The following HCN1 variants were observed in gnomAD, a reference collection of about 807,000 sequenced individuals.
HCN1 encodes potassium/sodium hyperpolarization-activated cyclic nucleotide-gated channel 1.
Under a neutral mutation model 78.9 loss-of-function variants are expected in HCN1, and 13 were observed. The observed-to-expected ratio is 0.16, with a 90% CI of 0.11 to 0.26. The LOEUF is 0.26. Among genes scored for constraint, HCN1 ranks in the 10% least tolerant of loss-of-function variants. HCN1 has a pLI of 1.00. For synonymous variants in HCN1, 552 were observed against 455.5 expected (o/e 1.21, Z -2.70); for missense variants, 810 against 1,154.3 (o/e 0.70, Z 4.32).
intron 4 of HCN1, among the ~76,000 whole-genome samples, chr5:45,375,834 CTTATATATAATATAATATTTT>C (rs1747629859): frequency 8.9e-6 from 1 of 112,904 alleles, no homozygotes. Context: ...TATGATATAT[CTTATATATAATATAATATTTT>C]ATGATATATC....
At chr5:45,476,664 G>T (rs1741522878) in intron 2 of HCN1, among the ~76,000 whole-genome samples, 1 of 151,982 alleles carries the variant, frequency 6.6e-6, no homozygotes, top group African/African-American at 2.4e-5. Context: ...CATTTATCAT[G>T]CTGGGGCATA....
At chr5:45,421,481 A>G (rs1740227298) in intron 3 of HCN1, among the ~76,000 whole-genome samples, 1 of 152,254 alleles carries the variant, frequency 6.6e-6, no homozygotes, top group Non-Finnish European at 1.5e-5. Context: ...TAATATGTCA[A>G]CAAAATAATG....
intron 1 of HCN1, 61 bp downstream of exon 1, chr5:45,695,608 G>A (rs1429787900): frequency 8.4e-6 from 13 of 1,543,208 alleles, no homozygotes; most frequent in Non-Finnish European, 1.2e-5. Flanking sequence ...ACCCAAGGGC[G>A]GGGAAGCGCG....
intron 1 of HCN1, among the ~76,000 whole-genome samples, chr5:45,648,013 C>T (rs1422698817): frequency 6.6e-6 from 1 of 152,018 alleles, no homozygotes; most frequent in African/African-American, 2.4e-5. Context: ...CATTTTCTAA[C>T]CTGTTCAAAG....
At chr5:45,474,809 C>T (rs7706410) in intron 2 of HCN1, among the ~76,000 whole-genome samples, 151,704 of 152,050 alleles carry the variant, frequency 1, 75,679 homozygotes, top group East Asian at 1. Flanking sequence ...AAGGATCATA[C>T]CTTAATGTCT....
chr5:45,504,968 T>G (rs2111742799), intron 2 of HCN1, among the ~76,000 whole-genome samples: 1 of 152,304 alleles, frequency 6.6e-6, no homozygotes, highest in African/African-American at 2.4e-5. Flanking sequence ...TCTTGTAAAT[T>G]TGTTTGAGTT....
At chr5:45,446,127 T>C (rs1482556016) in intron 3 of HCN1, among the ~76,000 whole-genome samples, 5 of 151,718 alleles carry the variant, frequency 3.3e-5, no homozygotes, top group Non-Finnish European at 5.9e-5. Context: ...GGCAAAGAAG[T>C]TGAAAACTTT....
At chr5:45,583,015 G>T (rs1227886609) in intron 2 of HCN1, among the ~76,000 whole-genome samples, 1 of 151,782 alleles carries the variant, frequency 6.6e-6, no homozygotes, top group Non-Finnish European at 1.5e-5. Context: ...GCCAGGGTTT[G>T]GTATCAGGAT....
At chr5:45,658,894 C>T (rs552995293) in intron 1 of HCN1, among the ~76,000 whole-genome samples, 1 of 147,848 alleles carries the variant, frequency 6.8e-6, no homozygotes, top group South Asian at 2.2e-4. Flanking sequence ...CCCGCCATTG[C>T]CCAGGCTTGC....
chr5:45,692,966 A>G (rs1225142770), intron 1 of HCN1, among the ~76,000 whole-genome samples: 2 of 152,030 alleles, frequency 1.3e-5, no homozygotes, highest in Non-Finnish European at 2.9e-5. Flanking sequence ...CATAGAAATT[A>G]CTCTTAAGTG....
At chr5:45,503,040 A>G (rs1356982012) in intron 2 of HCN1, among the ~76,000 whole-genome samples, 3 of 152,242 alleles carry the variant, frequency 2.0e-5, no homozygotes, top group Non-Finnish European at 4.4e-5. Flanking sequence ...GGGAAGACTC[A>G]TGCATTTATC....
chr5:45,278,260 G>T (rs763669550), intron 6 of HCN1, among the ~76,000 whole-genome samples: 1 of 152,000 alleles, frequency 6.6e-6, no homozygotes, highest in Non-Finnish European at 1.5e-5. Context: ...TTCAAGTTCA[G>T]TATGTGAGTA....
At chr5:45,467,683 T>C (rs982548896) in intron 2 of HCN1, among the ~76,000 whole-genome samples, 1 of 152,100 alleles carries the variant, frequency 6.6e-6, no homozygotes, top group Admixed American at 6.6e-5. Flanking sequence ...ATTCTCTCTT[T>C]CTACTTCCCC....
At chr5:45,676,643 A>T (rs928639915) in intron 1 of HCN1, among the ~76,000 whole-genome samples, 20 of 151,818 alleles carry the variant, frequency 1.3e-4, no homozygotes, top group Non-Finnish European at 2.9e-4. Flanking sequence ...AAGGTCTAAA[A>T]TAACCAGAGA....
rs935454580 is a variant in HCN1, at chr5:45,350,963, T to C, written c.1377+2137A>G. Among the ~76,000 whole-genome samples the C allele has an allele frequency of 1.9e-4, 29 of 152,238 alleles. 1 individual carries two copies. Among genetic ancestry groups the C allele is most frequent in the African/African-American group, 6.5e-4 (27 of 41,538 alleles). ...TGGCCATACTGCCCAAGGTAATTTA[T>C]AGATTCAATGCCATCCCCATCAAGC... On this transcript the variant is annotated intron_variant, in intron 5 of 7. Coordinates refer to ENST00000303230, the MANE Select transcript of HCN1 (RefSeq NM_021072.4).
chr5:45,599,186 T>C (rs1467048448), intron 2 of HCN1, among the ~76,000 whole-genome samples: 1 of 151,636 alleles, frequency 6.6e-6, no homozygotes, highest in African/African-American at 2.4e-5. Flanking sequence ...TAGACTGGAG[T>C]AAGAAAATGT....
At chr5:45,613,747 A>T (rs921997899) in intron 2 of HCN1, among the ~76,000 whole-genome samples, 1 of 152,174 alleles carries the variant, frequency 6.6e-6, no homozygotes, top group Non-Finnish European at 1.5e-5. Flanking sequence ...GGATTAAGAA[A>T]ATGTGGAAGG....
chr5:45,571,897 C>T (rs757926604), intron 2 of HCN1, among the ~76,000 whole-genome samples: 1 of 151,922 alleles, frequency 6.6e-6, no homozygotes, highest in African/African-American at 2.4e-5. Context: ...CTGGGCAACA[C>T]GAGTGAAATT....
At chr5:45,561,772 G>A (rs1467642846) in intron 2 of HCN1, among the ~76,000 whole-genome samples, 1 of 152,004 alleles carries the variant, frequency 6.6e-6, no homozygotes, top group Non-Finnish European at 1.5e-5. Flanking sequence ...GATAGGACAG[G>A]GTTACAGATT....
Sources: allele counts gnomAD v4.1 joint callset (sites outside exome capture counted in the v4.1 genomes callset), GRCh38; gene constraint gnomAD v4.1.1; transcripts MANE v1.5; gene names NCBI Gene and HGNC (gene_info 2026-07-23, HGNC 2026-07-21).